PCNX2: variants seen among roughly 807,000 people sequenced by gnomAD.
The protein encoded by PCNX2 is pecanex 2, also known as pecanex-like protein 2.
In PCNX2, 168 loss-of-function variants were observed where a neutral mutation model predicts 223.8. The ratio of observed to expected loss-of-function variants is 0.75; its 90% CI spans 0.66 to 0.85. PCNX2 has a LOEUF of 0.85. Among genes scored for constraint, PCNX2 ranks in the 40% least tolerant of loss-of-function variants. The probability of loss-of-function intolerance (pLI) is 0.00; values close to 1 mark genes in which losing one functional copy is unlikely to be tolerated. For missense variants in PCNX2, 2,507 were observed against 2,675.5 expected, an observed-to-expected ratio of 0.94 and a Z score of 1.39; for synonymous variants, 1,006 against 1,052.6, an observed-to-expected ratio of 0.96 and a Z score of 0.86.
chr1:233,060,091 C>CTGTGTT (rs1672348540), intron 23 of PCNX2, among the ~76,000 whole-genome samples: 1 of 152,174 alleles, frequency 6.6e-6, no homozygotes, highest in Non-Finnish European at 1.5e-5. Flanking sequence ...TACTGTGTTA[C>CTGTGTT]ATTTCAGAAA....
Position 233,208,608 on chromosome 1 carries a change from C to A in PCNX2, c.2773G>T (p.Ala925Ser). Residue 925 changes from alanine to serine, a missense_variant, in exon 13 of 34, where the codon GCC becomes TCC. Coordinates refer to ENST00000258229, the MANE Select transcript of PCNX2 (RefSeq NM_014801.4). Reference protein sequence around the residue: ...CGLILLLDTGAKARHPPSYVV... With the variant: ...CGLILLLDTGSKARHPPSYVV... Reference sequence around the variant, plus strand: ...TAACTGGGAGGGTGCCTGGCTTTGGCCCCTGTATCAAGAAGCAAAATAAGG... The same window carrying A: ...TAACTGGGAGGGTGCCTGGCTTTGGACCCTGTATCAAGAAGCAAAATAAGG... 6.2e-7 allele frequency: 1 copy of A among 1,613,564 alleles called. No homozygotes were observed. Among genetic ancestry groups the A allele is most frequent in the Non-Finnish European group, 8.5e-7 (1 of 1,179,784 alleles).
At chr1:233,277,064 A>G (rs955646376) in intron 1 of PCNX2, among the ~76,000 whole-genome samples, 2 of 152,222 alleles carry the variant, frequency 1.3e-5, no homozygotes, top group Non-Finnish European at 2.9e-5. Flanking sequence ...GAGCATGGAG[A>G]TTCCAGACAA....
At chr1:233,275,007 T>C (rs1416600082) in intron 1 of PCNX2, among the ~76,000 whole-genome samples, 1 of 152,246 alleles carries the variant, frequency 6.6e-6, no homozygotes, top group Non-Finnish European at 1.5e-5. Flanking sequence ...GTTGCAGCGT[T>C]TGATGAAATC....
chr1:233,255,578 G>C (rs987842921), intron 5 of PCNX2, among the ~76,000 whole-genome samples: 2 of 152,124 alleles, frequency 1.3e-5, no homozygotes, highest in African/African-American at 2.4e-5. Flanking sequence ...TGGTTTAAAG[G>C]CTTTTCAAAA....
intron 15 of PCNX2, among the ~76,000 whole-genome samples, chr1:233,187,014 T>A (rs1474257693): frequency 2.0e-5 from 3 of 152,218 alleles, no homozygotes; most frequent in Non-Finnish European, 2.9e-5. Flanking sequence ...GCACACCTTT[T>A]ATGTGACACA....
intron 23 of PCNX2, chr1:233,065,702 C>T (rs1558198457): frequency 2.0e-5 from 3 of 151,982 alleles, no homozygotes; most frequent in South Asian, 4.1e-4. Flanking sequence ...CAACAAACCC[C>T]TGATCTGTCT....
At chr1:233,207,524 C>T (rs1157029894) in intron 13 of PCNX2, among the ~76,000 whole-genome samples, 1 of 152,238 alleles carries the variant, frequency 6.6e-6, no homozygotes, top group African/African-American at 2.4e-5. Flanking sequence ...CCGGAGCAAT[C>T]ACTTTGCATA....
intron 24 of PCNX2, among the ~76,000 whole-genome samples, chr1:233,056,083 T>A (rs971585747): frequency 3.3e-5 from 5 of 152,224 alleles, no homozygotes; most frequent in African/African-American, 1.2e-4. Context: ...GGCTGACTCA[T>A]GCCATGTAGT....
intron 21 of PCNX2, among the ~76,000 whole-genome samples, chr1:233,130,308 AC>A (rs1304746373): frequency 1.3e-5 from 2 of 149,386 alleles, no homozygotes; most frequent in Non-Finnish European, 3.0e-5. Flanking sequence ...TACCCCCTCA[AC>A]CCCCCCACCC....
At position 232,991,135 on chromosome 1, in the gene PCNX2, G is replaced by A. The variant is rs1235164817; in HGVS notation, c.5792-4595C>T. Among the ~76,000 whole-genome samples, 1 of 152,210 alleles carries A rather than the reference G, an allele frequency of 6.6e-6. No homozygotes were observed. Among genetic ancestry groups the A allele is most frequent in the African/African-American group, 2.4e-5 (1 of 41,450 alleles). On this transcript the variant is annotated intron_variant, in intron 32 of 33. Transcript: ENST00000258229. The surrounding 1 kb of genome is among the most constrained non-coding windows in gnomAD (Gnocchi z 4.3). ...AGGCACATGCATCAGGCAGGGATTG[G>A]AGGGGAGGAGAAAGTGGGGCAGGGG...
intron 21 of PCNX2, among the ~76,000 whole-genome samples, chr1:233,109,669 T>C (rs1302455505): frequency 1.3e-5 from 2 of 152,212 alleles, no homozygotes; most frequent in Non-Finnish European, 2.9e-5. Flanking sequence ...CAAACATTAC[T>C]GAGTATCCAA....
chr1:233,151,599 C>G (rs2102802315), intron 19 of PCNX2, among the ~76,000 whole-genome samples: 2 of 152,312 alleles, frequency 1.3e-5, no homozygotes, highest in Admixed American at 1.3e-4. Flanking sequence ...CACCCTGTGG[C>G]TTGCTGGAGA....
intron 25 of PCNX2, among the ~76,000 whole-genome samples, chr1:233,039,082 C>T (rs188549616): frequency 6.6e-6 from 1 of 152,172 alleles, no homozygotes; most frequent in Admixed American, 6.5e-5. Context: ...ATAATTCAAA[C>T]AGCTGAGCTG....
At chr1:233,061,754 T>C (rs1470543557) in intron 23 of PCNX2, among the ~76,000 whole-genome samples, 1 of 152,030 alleles carries the variant, frequency 6.6e-6, no homozygotes, top group African/African-American at 2.4e-5. Flanking sequence ...TGTTATTGTT[T>C]TGTATTTGTT....
chr1:233,242,659 C>G (rs1166738472), intron 8 of PCNX2, among the ~76,000 whole-genome samples: 3 of 152,178 alleles, frequency 2.0e-5, no homozygotes, highest in Admixed American at 1.3e-4. Flanking sequence ...AACTATCAAG[C>G]TTTAATTACA....
rs1304591469 is a variant in PCNX2 at position 233,086,493 on chromosome 1, T to TA, written c.4076+3567dup. Among the ~76,000 whole-genome samples the TA allele has an allele frequency of 3.4e-5, 5 of 148,996 alleles. No homozygotes were observed. In the East Asian group the frequency reaches 7.9e-4, roughly 24 times the overall value. Reference sequence around the variant, plus strand: ...TAACACGGTGAAACCCCGTCTCTACTAAAAATACAAAAAAAAAAGAAAAAA... The same window carrying TA: ...TAACACGGTGAAACCCCGTCTCTACTAAAAAATACAAAAAAAAAAGAAAAAA... On this transcript the variant is annotated intron_variant, in intron 23 of 33. Coordinates refer to ENST00000258229, the MANE Select transcript of PCNX2 (RefSeq NM_014801.4).
intron 15 of PCNX2, among the ~76,000 whole-genome samples, chr1:233,195,442 G>A (rs1372206422): frequency 6.6e-6 from 1 of 152,098 alleles, no homozygotes; most frequent in Non-Finnish European, 1.5e-5. Context: ...ACATTGCTCT[G>A]GAGGTCCTAG....
chr1:233,237,085 G>A, intron 8 of PCNX2, 105 bp from the exon 9 acceptor site: 1 of 1,410,102 alleles, frequency 7.1e-7, no homozygotes, highest in Non-Finnish European at 9.6e-7. Flanking sequence ...AGCAGGTAGT[G>A]GATGAGACTT....
chr1:233,165,404 G>A (rs2102830717), intron 17 of PCNX2, among the ~76,000 whole-genome samples: 1 of 152,204 alleles, frequency 6.6e-6, no homozygotes, highest in East Asian at 1.9e-4. Flanking sequence ...CTAGAGACCA[G>A]GGATGCAGCC....
Sources: gnomAD v4.1 joint callset for allele counts (sites outside exome capture counted in the v4.1 genomes callset) on GRCh38, gnomAD v4.1.1 for gene constraint, Gnocchi (gnomAD v3.1) non-coding constraint, MANE v1.5 for transcripts, NCBI Gene and HGNC (gene_info 2026-07-23, HGNC 2026-07-21) for gene names.